Variants in OIT3 observed in about 807,000 individuals in gnomAD.
OIT3 encodes oncoprotein induced transcript 3.
In OIT3, 41 loss-of-function variants were observed where a neutral mutation model predicts 52.2. The observed-to-expected ratio is 0.79, with a 90% confidence interval of 0.61 to 1.02. The LOEUF is 1.02. Among genes scored for constraint, OIT3 ranks in the 50% least tolerant of loss-of-function variants. The probability of loss-of-function intolerance (pLI) is 0.00; values close to 1 mark genes in which losing one functional copy is unlikely to be tolerated. For synonymous variants in OIT3, 244 were observed against 276.9 expected (o/e 0.88, Z 1.18); for missense variants, 634 against 715.5 (o/e 0.89, Z 1.30).
intron 7 of OIT3, among the ~76,000 whole-genome samples, chr10:72,925,811 T>C (rs1846165194): frequency 6.6e-6 from 1 of 152,204 alleles, no homozygotes; most frequent in South Asian, 2.1e-4. Flanking sequence ...CTCACTTTGT[T>C]GCCCAGGCTG....
At chr10:72,929,476 T>C (rs947925600) in intron 7 of OIT3, among the ~76,000 whole-genome samples, 2 of 152,046 alleles carry the variant, frequency 1.3e-5, no homozygotes, top group Non-Finnish European at 2.9e-5. Flanking sequence ...GGGGCAAATA[T>C]GGCTCACTGC....
chr10:72,932,337 C>T lies in OIT3; in HGVS notation c.1468-17C>T, dbSNP rs745764996. 29 of 1,612,742 alleles carry T rather than the reference C, an allele frequency of 1.8e-5. No homozygotes were observed. The highest frequency in any genetic ancestry group is 1.6e-4 in the Middle Eastern group (1 of 6,080). On this transcript the variant is annotated splice_polypyrimidine_tract_variant and intron_variant, in intron 8 of 8. Transcript: ENST00000334011. ...AGCAGTTATTGTTTTTATTAACAGTCGTGATCATCTCTTCAGGAAGTGTTT... is the reference window on the plus strand; with the variant it reads ...AGCAGTTATTGTTTTTATTAACAGTTGTGATCATCTCTTCAGGAAGTGTTT...
chr10:72,926,664 C>A (rs550311917), intron 7 of OIT3, among the ~76,000 whole-genome samples: 1 of 152,282 alleles, frequency 6.6e-6, no homozygotes, highest in South Asian at 2.1e-4. Context: ...AGTTTGTCAT[C>A]CTGAGCTACT....
intron 8 of OIT3, among the ~76,000 whole-genome samples, chr10:72,931,310 G>A (rs181438869): frequency 1.3e-5 from 2 of 152,180 alleles, no homozygotes; most frequent in East Asian, 3.9e-4. Context: ...GGGCAACATA[G>A]CAAGACCTCT....
chr10:72,901,715 G>C lies in OIT3; in HGVS notation c.544+1231G>C, dbSNP rs118086035. On this transcript the variant is annotated intron_variant, in intron 3 of 8. Transcript: ENST00000334011. ...TGCAGCTTCGACATCCTGGGCCCAA[G>C]TAGCTTCTTGTTTTAGAAAAGCTTT... Among the ~76,000 whole-genome samples, 104 of 152,266 alleles carry C rather than the reference G, an allele frequency of 6.8e-4. 1 individual carries two copies. Among genetic ancestry groups the C allele is most frequent in the Non-Finnish European group, 1.1e-3 (74 of 68,028 alleles).
chr10:72,906,875 C>T (rs572953421), intron 4 of OIT3, among the ~76,000 whole-genome samples, 157 bp downstream of exon 4: 3 of 152,284 alleles, frequency 2.0e-5, no homozygotes, highest in Non-Finnish European at 2.9e-5. Flanking sequence ...AGAATACTCA[C>T]GCTATGGACA....
At chr10:72,928,727 T>C (rs1026194156) in intron 7 of OIT3, among the ~76,000 whole-genome samples, 6 of 152,060 alleles carry the variant, frequency 3.9e-5, no homozygotes, top group African/African-American at 1.4e-4. Flanking sequence ...TATAAATGAA[T>C]TTTACCTCAG....
chr10:72,898,091 T>C (rs546777335), intron 1 of OIT3, among the ~76,000 whole-genome samples: 52 of 145,810 alleles, frequency 3.6e-4, no homozygotes, highest in African/African-American at 1.2e-3. Flanking sequence ...AAAACCAGCC[T>C]GGGCAAGATG....
intron 4 of OIT3, among the ~76,000 whole-genome samples, chr10:72,908,724 G>T (rs1846002139): frequency 6.6e-6 from 1 of 151,982 alleles, no homozygotes; most frequent in South Asian, 2.1e-4. Flanking sequence ...TGGAAAGATT[G>T]CAGTTAATCC....
At chr10:72,909,798 C>G (rs1846014210) in intron 4 of OIT3, among the ~76,000 whole-genome samples, 1 of 151,998 alleles carries the variant, frequency 6.6e-6, no homozygotes, top group Non-Finnish European at 1.5e-5. Flanking sequence ...TGGGGTTTCA[C>G]CATGTTAGCC....
chr10:72,906,692 T>A lies in OIT3; in HGVS notation c.641T>A (p.Leu214Gln). The change falls in exon 4 of 9, where the codon CTA becomes CAA. Residue 214 changes from leucine (L) to glutamine (Q), a missense_variant. Physicochemically the swap from Leu to Gln is moderately radical, Grantham distance 113. Transcript: ENST00000334011. ...TGTGAGTGTGGGGTTGGCCGTGTGCTAAGAAGTGATGGCAAGACTTGTGAA... is the reference window on the plus strand; with the variant it reads ...TGTGAGTGTGGGGTTGGCCGTGTGCAAAGAAGTGATGGCAAGACTTGTGAA... Reference protein sequence around the residue: ...YRCECGVGRVLRSDGKTCEDV... With the variant: ...YRCECGVGRVQRSDGKTCEDV... The A allele has an allele frequency of 6.2e-7, 1 of 1,602,374 alleles. No homozygotes were observed. The highest frequency in any genetic ancestry group is 8.5e-7 in the Non-Finnish European group (1 of 1,174,790).
At chr10:72,917,685 G>A in intron 6 of OIT3, 1 of 917,078 alleles carries the variant, frequency 1.1e-6, no homozygotes, top group Non-Finnish European at 1.8e-6. Flanking sequence ...CTCTTGGTCA[G>A]TCATCCGGAA....
chr10:72,913,624 G>T (rs574297930), intron 6 of OIT3, 156 bp downstream of exon 6: 1 of 718,558 alleles, frequency 1.4e-6, no homozygotes. Context: ...TTTAACCAAC[G>T]TGTTATTGAG....
chr10:72,906,260 A>C (rs569352826), intron 3 of OIT3, among the ~76,000 whole-genome samples: 5 of 152,214 alleles, frequency 3.3e-5, no homozygotes, highest in Admixed American at 1.3e-4. Flanking sequence ...TTATTTAGCA[A>C]CTTCTCAGGA....
intron 1 of OIT3, among the ~76,000 whole-genome samples, chr10:72,897,397 T>C (rs1395759110): frequency 6.6e-6 from 1 of 152,226 alleles, no homozygotes; most frequent in Non-Finnish European, 1.5e-5. Flanking sequence ...TTGTAATTTA[T>C]GCACTAAATA....
At chr10:72,899,846 C>A (rs1589520707) in intron 2 of OIT3, among the ~76,000 whole-genome samples, 1 of 152,020 alleles carries the variant, frequency 6.6e-6, no homozygotes, top group Non-Finnish European at 1.5e-5. Context: ...GAAGAAGCTA[C>A]TTTATGTCAG....
chr10:72,898,649 CT>C lies in OIT3; in HGVS notation c.62-10del, dbSNP rs754754182. 7 of 1,590,470 alleles carry C rather than the reference CT, an allele frequency of 4.4e-6. No homozygotes were observed. Among genetic ancestry groups the C allele is most frequent in the Non-Finnish European group, 8.6e-7 (1 of 1,162,702 alleles). ...AAACACTCCAGGTACTCTGAGGTAT[CT>C]TTTTCATTTCCAGCCCTAGATCCTT... is the stretch of plus-strand genomic sequence containing the variant. On this transcript the variant is annotated splice_polypyrimidine_tract_variant and intron_variant, in intron 1 of 8. Coordinates refer to ENST00000334011, the MANE Select transcript of OIT3 (RefSeq NM_152635.3).
intron 7 of OIT3, among the ~76,000 whole-genome samples, chr10:72,925,890 A>T (rs1846165638): frequency 6.6e-6 from 1 of 152,216 alleles, no homozygotes; most frequent in Non-Finnish European, 1.5e-5. Context: ...TATAGGTGTG[A>T]GACACCATGT....
chr10:72,920,300 G>A (rs936609070), intron 6 of OIT3, among the ~76,000 whole-genome samples: 2 of 152,092 alleles, frequency 1.3e-5, no homozygotes, highest in African/African-American at 4.8e-5. Context: ...TTCTGATTGT[G>A]TTTATTTGAT....
Sources: allele counts gnomAD v4.1 joint callset (sites outside exome capture counted in the v4.1 genomes callset), GRCh38; gene constraint gnomAD v4.1.1; transcripts MANE v1.5; gene names NCBI Gene and HGNC (gene_info 2026-07-23, HGNC 2026-07-21).